The following NDE1 variants were observed in gnomAD, a reference collection of about 807,000 sequenced individuals.
The protein encoded by NDE1 is nuclear distribution protein nudE homolog 1.
In NDE1, 28 loss-of-function variants were observed where a neutral mutation model predicts 43.4. The observed-to-expected ratio is 0.65, with a 90% CI of 0.48 to 0.89. NDE1 has a LOEUF of 0.89. NDE1 is among the 40% of genes least tolerant of loss of function. NDE1 has a pLI of 0.00. For missense variants in NDE1, 441 were observed against 434.1 expected, an observed-to-expected ratio of 1.02 and a Z score of -0.14; for synonymous variants, 184 against 172.0, an observed-to-expected ratio of 1.07 and a Z score of -0.55.
intron 3 of NDE1, among the ~76,000 whole-genome samples, chr16:15,676,680 T>C (rs1252102774): frequency 6.6e-6 from 1 of 152,004 alleles, no homozygotes; most frequent in East Asian, 1.9e-4. Context: ...ATGATTTCTT[T>C]CCTTTTGAGG....
At chr16:15,711,679 G>A (rs1183002027) in intron 8 of NDE1, among the ~76,000 whole-genome samples, 1 of 152,074 alleles carries the variant, frequency 6.6e-6, no homozygotes. Context: ...ACTCTGCCTG[G>A]TGCTGTCCTA....
chr16:15,710,861 A>G (rs1272803917), intron 8 of NDE1, among the ~76,000 whole-genome samples: 1 of 152,024 alleles, frequency 6.6e-6, no homozygotes, highest in Non-Finnish European at 1.5e-5. Flanking sequence ...TGTTTTTAGT[A>G]GAGATGAAGT....
chr16:15,651,218 C>T (rs922927281), intron 1 of NDE1, among the ~76,000 whole-genome samples: 10 of 152,160 alleles, frequency 6.6e-5, no homozygotes, highest in Admixed American at 4.6e-4. Context: ...TACTTTGAGC[C>T]TCAGGCCCCT....
upstream of NDE1, among the ~76,000 whole-genome samples, chr16:15,649,993 C>T (rs1314102549): frequency 6.6e-6 from 1 of 152,252 alleles, no homozygotes; most frequent in Non-Finnish European, 1.5e-5. Context: ...CGTTCTGCAG[C>T]ATCTCCAATG....
At chr16:15,691,567 C>T (rs753407925) in intron 6 of NDE1, among the ~76,000 whole-genome samples, 1 of 151,962 alleles carries the variant, frequency 6.6e-6, no homozygotes, top group Non-Finnish European at 1.5e-5. Flanking sequence ...GTGGCTGCCA[C>T]TCTGCAGCTA....
intron 7 of NDE1, among the ~76,000 whole-genome samples, chr16:15,696,298 C>A (rs1341852020): frequency 6.6e-6 from 1 of 151,788 alleles, no homozygotes; most frequent in Non-Finnish European, 1.5e-5. Flanking sequence ...ATTGGTTGAG[C>A]CTGGGAGGTT....
chr16:15,679,025 C>A (rs1258498299), intron 4 of NDE1, among the ~76,000 whole-genome samples: 1 of 151,898 alleles, frequency 6.6e-6, no homozygotes, highest in African/African-American at 2.4e-5. Flanking sequence ...TGTAGTGAGC[C>A]GAGATTGCGC....
At chr16:15,674,685 C>G (rs1417113617) in intron 3 of NDE1, among the ~76,000 whole-genome samples, 2 of 152,132 alleles carry the variant, frequency 1.3e-5, no homozygotes. Flanking sequence ...GTTGTGGGCA[C>G]AAACAACAGA....
chr16:15,684,379 A>C (rs1875412397), intron 4 of NDE1: 1 of 152,070 alleles, frequency 6.6e-6, no homozygotes, highest in African/African-American at 2.4e-5. Context: ...CATCACCTGA[A>C]GTCGGGAGTT....
At position 15,724,271 on chromosome 16, in the gene NDE1, C is replaced by G. The variant is rs567729923; in HGVS notation, c.*20C>G. 12 of 1,614,102 alleles carry G rather than the reference C, an allele frequency of 7.4e-6. No homozygotes were observed. Among genetic ancestry groups the G allele is most frequent in the Non-Finnish European group, 1.0e-5 (12 of 1,180,058 alleles). On this transcript the variant is annotated 3_prime_UTR_variant, in exon 9 of 9. Transcript: ENST00000396354. Reference sequence around the variant, plus strand: ...TGCTGAAGCCTGTTCTTGGTCTTTTCCAGTTTATCATAAGCGGCCGCCTTC... The same window carrying G: ...TGCTGAAGCCTGTTCTTGGTCTTTTGCAGTTTATCATAAGCGGCCGCCTTC...
chr16:15,668,291 A>G lies in NDE1; in HGVS notation c.237+852A>G, dbSNP rs569246821. Among the ~76,000 whole-genome samples, 7 of 152,232 alleles carry G rather than the reference A, an allele frequency of 4.6e-5. 1 individual carries two copies. In the East Asian group the frequency reaches 7.8e-4, roughly 17 times the overall value. ...GGCAGGAGAATCACTTGATGGTTGG[A>G]GGCTGTAGTGAGCTGAGATTGTGCC... On this transcript the variant is annotated intron_variant, in intron 3 of 8. Transcript: ENST00000396354.
Position 15,717,210 on chromosome 16 carries a change from ACTTGGACTTGAC to A in NDE1, c.948-6980_948-6969del. 1 of 1,614,096 alleles carries A rather than the reference ACTTGGACTTGAC, an allele frequency of 6.2e-7. No individual in the cohort carries two copies. The highest frequency in any genetic ancestry group is 1.3e-5 in the African/African-American group (1 of 75,024). ...TCCAGCGCCGCGATGGTGGACTTGA[ACTTGGACTTGAC>A]GGCCCCCTCCATCTCGTGGAGCTTG... On this transcript the variant is annotated intron_variant, in intron 8 of 8. Transcript: ENST00000396354.
chr16:15,706,708 A>G (rs1350842628), intron 8 of NDE1, among the ~76,000 whole-genome samples: 1 of 152,222 alleles, frequency 6.6e-6, no homozygotes, highest in Middle Eastern at 3.4e-3. Flanking sequence ...GTCTCCAAAA[A>G]AAAAAACAAA....
intron 4 of NDE1, chr16:15,686,446 C>T: frequency 1.0e-6 from 1 of 985,390 alleles, no homozygotes; most frequent in African/African-American, 1.7e-5. Context: ...GGGTTGTGAG[C>T]AGGGCAGCTG....
intron 1 of NDE1, among the ~76,000 whole-genome samples, chr16:15,644,808 A>G (rs2151376755): frequency 6.6e-6 from 1 of 152,236 alleles, no homozygotes; most frequent in East Asian, 1.9e-4. Flanking sequence ...CACAAGCCAT[A>G]TTAACTAAAA....
chr16:15,714,622 A>G, intron 8 of NDE1: 1 of 554,338 alleles, frequency 1.8e-6, no homozygotes. Flanking sequence ...GCTGGAGGAG[A>G]CAGTGGGGAT....
chr16:15,696,848 T>G lies in NDE1; in HGVS notation c.935T>G (p.Leu312Trp). The G allele has an allele frequency of 6.2e-7, 1 of 1,614,122 alleles. No individual in the cohort carries two copies. Among genetic ancestry groups the G allele is most frequent in the Non-Finnish European group, 8.5e-7 (1 of 1,180,008 alleles). Residue 312 changes from leucine (L) to tryptophan (W), a missense_variant, in exon 8 of 9, where the codon TTG (leucine) becomes TGG (tryptophan). Coordinates refer to ENST00000396354, the MANE Select transcript of NDE1 (RefSeq NM_017668.3). Reference protein sequence around the residue: ...ERRPSSTSVPLGDKGLDTSCR... With the variant: ...ERRPSSTSVPWGDKGLDTSCR... ...CGGCCAAGCAGCACCAGCGTGCCTT[T>G]GGGTGATAAGGGGTCAGTACCTTCT...
chr16:15,689,449 G>T (rs2038617064), intron 5 of NDE1, among the ~76,000 whole-genome samples: 1 of 152,122 alleles, frequency 6.6e-6, no homozygotes, highest in East Asian at 1.9e-4. Context: ...CTATGATTGT[G>T]CCACCGCACC....
At chr16:15,672,687 C>G (rs946032688) in intron 3 of NDE1, 2 of 152,224 alleles carry the variant, frequency 1.3e-5, no homozygotes, top group Non-Finnish European at 2.9e-5. Flanking sequence ...TTCATGTCCA[C>G]AGGTTCCGAG....
Sources: allele counts gnomAD v4.1 joint callset (sites outside exome capture counted in the v4.1 genomes callset), GRCh38; gene constraint gnomAD v4.1.1; transcripts MANE v1.5; gene names NCBI Gene and HGNC (gene_info 2026-07-23, HGNC 2026-07-21).